COL23A1: variants seen among roughly 807,000 people sequenced by gnomAD.
COL23A1 encodes collagen alpha-1(XXIII) chain.
Under a neutral mutation model 99.3 loss-of-function variants are expected in COL23A1, and 97 were observed. That is an observed-to-expected ratio of 0.98 (90% CI 0.83 to 1.16). The LOEUF (loss-of-function observed/expected upper bound fraction) is 1.16, where lower values mean the gene tolerates loss of function less well. Ranked by LOEUF, COL23A1 falls within the 50% of genes most tolerant of loss-of-function variation. COL23A1 has a pLI of 0.00. For missense variants in COL23A1, 762 were observed against 757.4 expected, an observed-to-expected ratio of 1.01 and a Z score of -0.07; for synonymous variants, 320 against 308.2, an observed-to-expected ratio of 1.04 and a Z score of -0.40.
chr5:178,349,375 C>A (rs1476873143), intron 2 of COL23A1, among the ~76,000 whole-genome samples: 1 of 152,210 alleles, frequency 6.6e-6, no homozygotes, highest in Non-Finnish European at 1.5e-5. Context: ...CCAGGAGAAT[C>A]ACACCGGTGT....
chr5:178,465,410 C>T (rs1561995350), intron 2 of COL23A1, among the ~76,000 whole-genome samples: 1 of 152,196 alleles, frequency 6.6e-6, no homozygotes, highest in African/African-American at 2.4e-5. Context: ...TTAAATGGTG[C>T]ATCTGTTTTC....
At chr5:178,577,523 T>A (rs568530924) in intron 1 of COL23A1, among the ~76,000 whole-genome samples, 52 of 152,218 alleles carry the variant, frequency 3.4e-4, no homozygotes, top group Non-Finnish European at 6.6e-4. Context: ...ACCCGGGGAA[T>A]CCGCTGGGGC....
chr5:178,273,314 C>G (rs1194383120), intron 5 of COL23A1, among the ~76,000 whole-genome samples: 1 of 152,246 alleles, frequency 6.6e-6, no homozygotes, highest in Admixed American at 6.5e-5. Flanking sequence ...CTCCTGCCTC[C>G]TGAGCTGGAC....
chr5:178,258,236 A>T (rs1278464040), intron 12 of COL23A1, among the ~76,000 whole-genome samples: 4 of 71,964 alleles, frequency 5.6e-5, no homozygotes, highest in Admixed American at 1.8e-4. Context: ...CCTGTCTTAA[A>T]ATATATATAT....
In COL23A1 at chr5:178,298,480, A is replaced by C. The variant is rs186716192; in HGVS notation, c.407-8111T>G. ...TCTTTCCCATAGCCTGGCAGGGGCC[A>C]GGCCTACACACCAGGAGGTGAGGGC... is the stretch of plus-strand genomic sequence containing the variant. On this transcript the variant is annotated intron_variant, in intron 3 of 28. Transcript: ENST00000390654. Among the ~76,000 whole-genome samples the C allele has an allele frequency of 3.5e-3, 528 of 152,328 alleles. 1 individual carries two copies. The highest frequency in any genetic ancestry group is 0.014 in the Middle Eastern group (4 of 294).
Position 178,261,703 on chromosome 5 carries a change from G to T in COL23A1, c.702+19C>A, listed in dbSNP as rs778664699. 47 of 1,600,340 alleles carry T rather than the reference G, an allele frequency of 2.9e-5. No homozygotes were observed. The highest frequency in any genetic ancestry group is 4.0e-5 in the Non-Finnish European group (47 of 1,167,548). ...CCCACCAGATCTGGGGAGGGGCATG[G>T]GGAATAAGGAGTACTCACCTTGGGC... On this transcript the variant is annotated intron_variant, in intron 11 of 28. Transcript: ENST00000390654.
intron 2 of COL23A1, among the ~76,000 whole-genome samples, chr5:178,547,492 CACATCCCCAT>C (rs1402128653): frequency 2.1e-5 from 3 of 144,458 alleles, no homozygotes; most frequent in East Asian, 2.1e-4. Flanking sequence ...CACACACCCA[CACATCCCCAT>C]ACACACCCCC....
chr5:178,319,331 T>C (rs1262183667), intron 2 of COL23A1, among the ~76,000 whole-genome samples: 3 of 152,190 alleles, frequency 2.0e-5, no homozygotes, highest in Non-Finnish European at 2.9e-5. Context: ...TCTTAATCAC[T>C]GACACATGTA....
intron 2 of COL23A1, among the ~76,000 whole-genome samples, chr5:178,463,258 T>C (rs1756225794): frequency 6.6e-6 from 1 of 152,264 alleles, no homozygotes; most frequent in South Asian, 2.1e-4. Context: ...TTCTTTCTAT[T>C]CTTTCCAGAA....
chr5:178,237,913 G>A lies in COL23A1; in HGVS notation c.*785C>T, dbSNP rs1247128241. The A allele has an allele frequency of 6.6e-6, 1 of 152,504 alleles. No homozygotes were observed. Among genetic ancestry groups the A allele is most frequent in the African/African-American group, 2.4e-5 (1 of 41,478 alleles). 9.4% of individuals were successfully genotyped at this position (152,504 alleles called of 1,614,324 possible). A position where few individuals can be genotyped will look rare whatever the true frequency, so the allele number is the denominator to read the frequency against. ...GTGGGAGGCCTGCCTCCCTGGTCCAGGCCATGTCCTATCTTGTCCCTCTCT... is the reference window on the plus strand; with the variant it reads ...GTGGGAGGCCTGCCTCCCTGGTCCAAGCCATGTCCTATCTTGTCCCTCTCT... On this transcript the variant is annotated 3_prime_UTR_variant, in exon 29 of 29. Coordinates refer to ENST00000390654, the MANE Select transcript of COL23A1 (RefSeq NM_173465.4).
chr5:178,470,721 T>C (rs1756697718), intron 2 of COL23A1, among the ~76,000 whole-genome samples: 1 of 152,190 alleles, frequency 6.6e-6, no homozygotes, highest in Admixed American at 6.5e-5. Flanking sequence ...CCAGTATTCC[T>C]GGAAGCATCA....
intron 11 of COL23A1, among the ~76,000 whole-genome samples, chr5:178,260,839 C>T (rs759825661): frequency 1.2e-4 from 18 of 152,050 alleles, no homozygotes; most frequent in Admixed American, 2.6e-4. Flanking sequence ...CTAGGGAGAA[C>T]GAGGGATGAA....
At chr5:178,573,295 C>A (rs1379568669) in intron 1 of COL23A1, among the ~76,000 whole-genome samples, 1 of 152,226 alleles carries the variant, frequency 6.6e-6, no homozygotes, top group South Asian at 2.1e-4. Context: ...GTCCTGGGTA[C>A]AGAAGGCATC....
At chr5:178,393,666 T>C (rs74818777) in intron 2 of COL23A1, among the ~76,000 whole-genome samples, 2 of 151,262 alleles carry the variant, frequency 1.3e-5, no homozygotes, top group Non-Finnish European at 2.9e-5. Context: ...TTTTTTTTTT[T>C]CCAGACAGGG....
chr5:178,459,607 C>T (rs532853096), intron 2 of COL23A1, among the ~76,000 whole-genome samples: 2 of 152,190 alleles, frequency 1.3e-5, no homozygotes, highest in East Asian at 3.9e-4. Flanking sequence ...ACTAAAAATA[C>T]AAAACTTAGT....
intron 7 of COL23A1, 79 bp downstream of exon 7, chr5:178,268,651 C>G (rs1320707044): frequency 1.3e-6 from 2 of 1,503,790 alleles, no homozygotes; most frequent in African/African-American, 1.4e-5. Context: ...CAAGGGCACA[C>G]TGGAACTGGC....
At chr5:178,537,083 C>T (rs138774811) in intron 2 of COL23A1, among the ~76,000 whole-genome samples, 84 of 152,350 alleles carry the variant, frequency 5.5e-4, no homozygotes, top group South Asian at 2.5e-3. Context: ...CTCCTCACAC[C>T]TCTGAGCTGT....
In COL23A1 at chr5:178,371,383, T is replaced by A. The variant is rs531381634; in HGVS notation, c.362-64464A>T. Among the ~76,000 whole-genome samples the A allele has an allele frequency of 5.9e-5, 9 of 152,264 alleles. 1 individual carries two copies. The East Asian group carries it at 1.7e-3, about 29-fold the overall frequency. On this transcript the variant is annotated intron_variant, in intron 2 of 28. Coordinates refer to ENST00000390654, the MANE Select transcript of COL23A1 (RefSeq NM_173465.4). ...ACTCTCAAATCCTCACATGCAGGCA[T>A]GCCCCAGCAGGGAGGACGACTGGAG...
chr5:178,436,384 A>G (rs1766563703), intron 2 of COL23A1, among the ~76,000 whole-genome samples: 1 of 148,296 alleles, frequency 6.7e-6, no homozygotes, highest in African/African-American at 2.5e-5. Flanking sequence ...GGAGAGGGCA[A>G]GAACCTCAGG....
Sources: allele counts gnomAD v4.1 joint callset (sites outside exome capture counted in the v4.1 genomes callset), GRCh38; gene constraint gnomAD v4.1.1; transcripts MANE v1.5; gene names NCBI Gene and HGNC (gene_info 2026-07-23, HGNC 2026-07-21).